The following SFMBT2 variants were observed in gnomAD, a reference collection of about 807,000 sequenced individuals.
The protein encoded by SFMBT2 is scm-like with four MBT domains protein 2.
A neutral mutation model predicts 110.1 loss-of-function variants in SFMBT2; 38 were observed. The ratio of observed to expected loss-of-function variants is 0.35; its 90% CI spans 0.27 to 0.45. SFMBT2 has a LOEUF of 0.45. SFMBT2 is among the 20% of genes least tolerant of loss of function. The pLI is 1.00. For missense variants in SFMBT2, 1,011 were observed against 1,094.9 expected, an observed-to-expected ratio of 0.92 and a Z score of 1.08; for synonymous variants, 425 against 425.4, an observed-to-expected ratio of 1.00 and a Z score of 0.01.
At chr10:7,179,416 A>C (rs12772081) in intron 16 of SFMBT2, among the ~76,000 whole-genome samples, 5 of 117,528 alleles carry the variant, frequency 4.3e-5, no homozygotes, top group Non-Finnish European at 7.6e-5. Context: ...AAAAAAAAAA[A>C]CAAAAGAAAC....
At chr10:7,173,021 G>A (rs1837937868) in intron 17 of SFMBT2, among the ~76,000 whole-genome samples, 6 of 152,172 alleles carry the variant, frequency 3.9e-5, no homozygotes, top group Admixed American at 3.9e-4. Flanking sequence ...ACCCAAAGGA[G>A]AGGCCCCATG....
chr10:7,389,094 G>C (rs1425003544), intron 1 of SFMBT2, among the ~76,000 whole-genome samples: 1 of 152,168 alleles, frequency 6.6e-6, no homozygotes, highest in Admixed American at 6.5e-5. Flanking sequence ...ACAGTTCCTA[G>C]AATAAATTAC....
rs771781581 is a variant in SFMBT2 at position 7,172,047 on chromosome 10, C to G, written c.2263G>C (p.Ala755Pro). 6.3e-7 allele frequency: 1 copy of G among 1,594,500 alleles called. No individual in the cohort carries two copies. The highest frequency in any genetic ancestry group is 1.7e-5 in the Admixed American group (1 of 57,744). ...AGGGTGACGGCCCTCCGGGGCCGGGCCGAGGGCACCTCCGCCGACGAGGTG... is the reference window on the plus strand; with the variant it reads ...AGGGTGACGGCCCTCCGGGGCCGGGGCGAGGGCACCTCCGCCGACGAGGTG... ...TDTSSAEVPS[A>P]RPRRAVTLRS... Residue 755 changes from alanine to proline, a missense_variant, in exon 19 of 21, where the codon GCC becomes CCC. Coordinates refer to ENST00000397167, the MANE Select transcript of SFMBT2 (RefSeq NM_001387889.1). The surrounding 1 kb of genome is among the most constrained non-coding windows in gnomAD (Gnocchi z 4.6).
intron 16 of SFMBT2, 41 bp downstream of exon 16, chr10:7,188,583 T>A (rs746419145): frequency 4.0e-6 from 6 of 1,487,508 alleles, no homozygotes; most frequent in Non-Finnish European, 5.6e-6. Flanking sequence ...CATGGGGAAG[T>A]ATTACAAAAA....
At chr10:7,238,937 G>C (rs183259738) in intron 9 of SFMBT2, among the ~76,000 whole-genome samples, 1 of 151,962 alleles carries the variant, frequency 6.6e-6, no homozygotes, top group Non-Finnish European at 1.5e-5. Context: ...CTGTTTATTG[G>C]GTTTAAACTA....
rs901519913 is a variant in SFMBT2 at position 7,364,023 on chromosome 10, G to GA, written c.436+3625dup. 1.3e-3 allele frequency among the ~76,000 whole-genome samples: 200 copies of GA among 150,754 alleles called. 1 individual carries two copies. In the Middle Eastern group the frequency reaches 0.017, roughly 13 times the overall value. On this transcript the variant is annotated intron_variant, in intron 4 of 20. Coordinates refer to ENST00000397167, the MANE Select transcript of SFMBT2 (RefSeq NM_001387889.1). ...ACAATGATATCAGGTCTCTAAGACA[G>GA]AAAAAAAAACACACAAATAAGAATC... is the stretch of plus-strand genomic sequence containing the variant.
chr10:7,320,841 G>C (rs1223425820), intron 4 of SFMBT2, among the ~76,000 whole-genome samples: 1 of 152,160 alleles, frequency 6.6e-6, no homozygotes, highest in Non-Finnish European at 1.5e-5. Context: ...TGACTCTGTA[G>C]CTCTAAACTG....
At chr10:7,403,176 C>T (rs984264627) in intron 1 of SFMBT2, among the ~76,000 whole-genome samples, 10 of 152,022 alleles carry the variant, frequency 6.6e-5, no homozygotes, top group South Asian at 2.1e-4. Context: ...GCCATCTGAA[C>T]GAAAAACAAA....
chr10:7,247,752 A>C (rs1353286460), intron 8 of SFMBT2, among the ~76,000 whole-genome samples: 1 of 152,254 alleles, frequency 6.6e-6, no homozygotes, highest in Non-Finnish European at 1.5e-5. Flanking sequence ...ACATCGGCCA[A>C]GAATGTTAAG....
intron 4 of SFMBT2, among the ~76,000 whole-genome samples, chr10:7,338,097 C>G (rs183968819): frequency 6.6e-6 from 1 of 152,198 alleles, no homozygotes; most frequent in Non-Finnish European, 1.5e-5. Context: ...TTGTCTTCCA[C>G]GGTACAGAAA....
At chr10:7,236,121 G>A (rs1840245658) in intron 9 of SFMBT2, among the ~76,000 whole-genome samples, 1 of 148,356 alleles carries the variant, frequency 6.7e-6, no homozygotes, top group African/African-American at 2.5e-5. Context: ...CAGCCAATAA[G>A]AAATGAAAAG....
At chr10:7,282,792 G>A (rs1447210337) in intron 6 of SFMBT2, among the ~76,000 whole-genome samples, 1 of 152,164 alleles carries the variant, frequency 6.6e-6, no homozygotes, top group East Asian at 1.9e-4. Flanking sequence ...CAACTAATAT[G>A]GGAGGAAATT....
intron 4 of SFMBT2, among the ~76,000 whole-genome samples, chr10:7,299,418 C>T (rs1288830963): frequency 6.6e-6 from 1 of 152,116 alleles, no homozygotes; most frequent in Admixed American, 6.5e-5. Context: ...AAAAAGTTGG[C>T]AAAGGATATG....
chr10:7,279,973 C>CT (rs1841903086), intron 6 of SFMBT2, among the ~76,000 whole-genome samples: 1 of 152,194 alleles, frequency 6.6e-6, no homozygotes, highest in East Asian at 1.9e-4. Flanking sequence ...CCTCACAATT[C>CT]TTACTTGAAG....
intron 8 of SFMBT2, among the ~76,000 whole-genome samples, chr10:7,248,158 TG>T (rs34823193): frequency 0.25 from 38,768 of 152,210 alleles, 5,284 homozygotes; most frequent in South Asian, 0.43. Flanking sequence ...ACAGAAATGC[TG>T]AGAAAAGGGA....
intron 4 of SFMBT2, among the ~76,000 whole-genome samples, chr10:7,362,894 G>A (rs1434393828): frequency 6.6e-6 from 1 of 152,200 alleles, no homozygotes; most frequent in East Asian, 1.9e-4. Flanking sequence ...TGGGCTAGAC[G>A]TCCATGGATC....
At chr10:7,168,912 A>T (rs566345776) in intron 20 of SFMBT2, among the ~76,000 whole-genome samples, 44 of 152,174 alleles carry the variant, frequency 2.9e-4, no homozygotes, top group Non-Finnish European at 6.3e-4. Context: ...GGCCAGTGTG[A>T]GAAGGTGAGG....
At chr10:7,404,574 T>A (rs1846163200) in intron 1 of SFMBT2, among the ~76,000 whole-genome samples, 1 of 152,240 alleles carries the variant, frequency 6.6e-6, no homozygotes, top group Non-Finnish European at 1.5e-5. Context: ...CACCAAATGC[T>A]TAGGAAGCCC....
intron 4 of SFMBT2, among the ~76,000 whole-genome samples, chr10:7,294,944 G>T (rs1842361390): frequency 6.6e-6 from 1 of 152,018 alleles, no homozygotes; most frequent in Non-Finnish European, 1.5e-5. Flanking sequence ...CACATCCCCT[G>T]TATACATTTC....
Sources: allele counts gnomAD v4.1 joint callset (sites outside exome capture counted in the v4.1 genomes callset), GRCh38; gene constraint gnomAD v4.1.1; non-coding constraint Gnocchi (gnomAD v3.1); transcripts MANE v1.5; gene names NCBI Gene and HGNC (gene_info 2026-07-23, HGNC 2026-07-21).